Variants in TNRC18 observed in about 807,000 individuals in gnomAD.
TNRC18 encodes trinucleotide repeat containing 18, also known as trinucleotide repeat-containing gene 18 protein.
A neutral mutation model predicts 226.7 loss-of-function variants in TNRC18; 69 were observed. The observed-to-expected ratio is 0.30, with a 90% CI of 0.25 to 0.37. The LOEUF is 0.37. TNRC18 is among the 10% of genes least tolerant of loss of function. TNRC18 has a pLI of 1.00. For missense variants in TNRC18, 4,754 were observed against 4,256.6 expected, an observed-to-expected ratio of 1.12 and a Z score of -3.25; for synonymous variants, 2,449 against 1,927.6, an observed-to-expected ratio of 1.27 and a Z score of -7.09.
chr7:5,402,035 T>C (rs1045681194), intron 2 of TNRC18, among the ~76,000 whole-genome samples: 1 of 151,670 alleles, frequency 6.6e-6, no homozygotes, highest in South Asian at 2.1e-4. Context: ...AAAAATTAGC[T>C]GGGCGTGGTG....
Position 5,316,023 on chromosome 7 carries a change from G to T in TNRC18, c.6795C>A (p.Asp2265Glu), listed in dbSNP as rs1268324473. 6.2e-7 allele frequency: 1 copy of T among 1,605,284 alleles called. No individual in the cohort carries two copies. Among genetic ancestry groups the T allele is most frequent in the Non-Finnish European group, 8.5e-7 (1 of 1,176,006 alleles). ...GGGGGATCCTGCCCGTGTCTCCGTC[G>T]TCAAACTCCACGGTGATCAAGTCCC... ...DDGDLITVEFDDGDTGRIPLS... is the reference protein window; with the variant it reads ...DDGDLITVEFEDGDTGRIPLS... Residue 2265 changes from aspartate (D) to glutamate (E), a missense_variant, in exon 25 of 30, where the codon GAC becomes GAA. By Grantham distance (45) the Asp-to-Glu change is conservative (BLOSUM62 2). Transcript: ENST00000430969.
intron 2 of TNRC18, among the ~76,000 whole-genome samples, chr7:5,404,775 T>C (rs545726110): frequency 6.8e-6 from 1 of 146,184 alleles, no homozygotes; most frequent in African/African-American, 2.4e-5. Flanking sequence ...TGTGTGTGTG[T>C]GTGTGTGTGT....
Position 5,312,777 on chromosome 7 carries a change from T to C in TNRC18, c.8114A>G (p.Lys2705Arg). ...CGAGGGCCGCGCCTTGCCGGCCTGCTTGGTGGCCTTGGTGGGGAGCGCCGC... is the reference window on the plus strand; with the variant it reads ...CGAGGGCCGCGCCTTGCCGGCCTGCCTGGTGGCCTTGGTGGGGAGCGCCGC... ...AQAALPTKAT[K>R]QAGKARPSAH... is the part of the protein sequence containing the mutation. Residue 2705 changes from lysine to arginine, a missense_variant, in exon 27 of 30, where the codon AAG becomes AGG. Physicochemically the swap from Lys to Arg is conservative, Grantham distance 26 (BLOSUM62 2). Coordinates refer to ENST00000430969, the MANE Select transcript of TNRC18 (RefSeq NM_001080495.3). The surrounding 1 kb of genome is among the most constrained non-coding windows in gnomAD (Gnocchi z 6.3). 1 of 1,532,156 alleles carries C rather than the reference T, an allele frequency of 6.5e-7. No homozygotes were observed. The highest frequency in any genetic ancestry group is 8.7e-7 in the Non-Finnish European group (1 of 1,144,316). 94.9% of individuals were successfully genotyped at this position (1,532,156 alleles called of 1,614,324 possible). A position where few individuals can be genotyped will look rare whatever the true frequency, so the allele number is the denominator to read the frequency against.
chr7:5,310,870 G>T (rs1433882921), intron 27 of TNRC18, among the ~76,000 whole-genome samples: 1 of 152,248 alleles, frequency 6.6e-6, no homozygotes, highest in Admixed American at 6.5e-5. Context: ...CCATGTATAT[G>T]TGCCTGTGTG....
At chr7:5,325,656 C>T (rs1438076504) in intron 19 of TNRC18, 1 of 174,320 alleles carries the variant, frequency 5.7e-6, no homozygotes, top group Non-Finnish European at 1.2e-5. Flanking sequence ...GATCTCCTGA[C>T]CTTGTGATCT....
chr7:5,403,501 G>C (rs1477088821), intron 2 of TNRC18, among the ~76,000 whole-genome samples: 1 of 151,850 alleles, frequency 6.6e-6, no homozygotes, highest in Admixed American at 6.6e-5. Flanking sequence ...CACAACAACT[G>C]CATCCCAGAC....
chr7:5,364,509 A>G (rs1253233958), intron 11 of TNRC18, among the ~76,000 whole-genome samples: 1 of 133,064 alleles, frequency 7.5e-6, no homozygotes, highest in African/African-American at 2.8e-5. Context: ...ACACACACAC[A>G]CACACGATCT....
At chr7:5,316,516 T>C (rs1427472346) in intron 24 of TNRC18, among the ~76,000 whole-genome samples, 1 of 152,030 alleles carries the variant, frequency 6.6e-6, no homozygotes, top group Non-Finnish European at 1.5e-5. Context: ...CGACCTCAGG[T>C]GATCCGCCCA....
intron 9 of TNRC18, among the ~76,000 whole-genome samples, chr7:5,375,241 G>A (rs748787080): frequency 8.5e-5 from 13 of 152,128 alleles, no homozygotes; most frequent in Admixed American, 2.6e-4. Flanking sequence ...CCCAGGAGGC[G>A]GAGGTTGCAG....
Position 5,377,552 on chromosome 7 carries a change from C to T in TNRC18, c.2280G>A (p.Leu760=), listed in dbSNP as rs758517643. 2 of 1,585,712 alleles carry T rather than the reference C, an allele frequency of 1.3e-6. No homozygotes were observed. Among genetic ancestry groups the T allele is most frequent in the African/African-American group, 1.3e-5 (1 of 74,408 alleles). Residue 760 remains leucine (L), a synonymous_variant, in exon 7 of 30, where the codon CTG becomes CTA. Coordinates refer to ENST00000430969, the MANE Select transcript of TNRC18 (RefSeq NM_001080495.3). This position sits in a 1 kb window ranked among gnomAD's most constrained non-coding sequence, Gnocchi z 5.8. ...LLRESKELAD[L]ARLHPTSCAP... ...CACAGCTGGTAGGGTGCAGGCGGGC[C>T]AGGTCAGCCAGCTCCTTACTCTCTC...
chr7:5,377,363 A>T lies in TNRC18; in HGVS notation c.2461+8T>A. 1.0e-6 allele frequency: 1 copy of T among 1,001,342 alleles called. No individual in the cohort carries two copies. The highest frequency in any genetic ancestry group is 1.4e-6 in the Non-Finnish European group (1 of 718,056). The allele number at this position is 1,001,342 out of a possible 1,614,324, so 62.0% of individuals were successfully genotyped here. A position where few individuals can be genotyped will look rare whatever the true frequency, so the allele number is the denominator to read the frequency against. On this transcript the variant is annotated splice_region_variant and intron_variant, in intron 7 of 29. Coordinates refer to ENST00000430969, the MANE Select transcript of TNRC18 (RefSeq NM_001080495.3). The surrounding 1 kb of genome is among the most constrained non-coding windows in gnomAD (Gnocchi z 5.8). Reference sequence around the variant, plus strand: ...GAGAAGGGGAGAGACCCTGTGCCCCACACTCACCGTAGGGGTGTCCAGCGA... The same window carrying T: ...GAGAAGGGGAGAGACCCTGTGCCCCTCACTCACCGTAGGGGTGTCCAGCGA...
chr7:5,312,769 C>T lies in TNRC18; in HGVS notation c.8122G>A (p.Gly2708Ser), dbSNP rs771843412. 3.6e-5 allele frequency: 55 copies of T among 1,532,896 alleles called. No individual in the cohort carries two copies. Among genetic ancestry groups the T allele is most frequent in the South Asian group, 5.2e-5 (4 of 77,334 alleles). The allele number at this position is 1,532,896 out of a possible 1,614,324, so 95.0% of individuals were successfully genotyped here. A position where few individuals can be genotyped will look rare whatever the true frequency, so the allele number is the denominator to read the frequency against. ...GAGTGGGCCGAGGGCCGCGCCTTGCCGGCCTGCTTGGTGGCCTTGGTGGGG... is the reference window on the plus strand; with the variant it reads ...GAGTGGGCCGAGGGCCGCGCCTTGCTGGCCTGCTTGGTGGCCTTGGTGGGG... ...ALPTKATKQA[G>S]KARPSAHSPG... Residue 2708 changes from glycine to serine, a missense_variant, in exon 27 of 30, where the codon GGC (glycine) becomes AGC (serine). Transcript: ENST00000430969. The surrounding 1 kb of genome is among the most constrained non-coding windows in gnomAD (Gnocchi z 6.3).
chr7:5,323,952 C>A lies in TNRC18; in HGVS notation c.6442+262G>T, dbSNP rs143196813. On this transcript the variant is annotated intron_variant, in intron 21 of 29. Transcript: ENST00000430969. ...AGCTTCGCATTTTCCTTAGGGCCAA[C>A]ACGGAACTCCTTCCCAAGCCCCGCA... 3.6e-3 allele frequency among the ~76,000 whole-genome samples: 555 copies of A among 152,348 alleles called. 3 individuals carry two copies. Among genetic ancestry groups the A allele is most frequent in the African/African-American group, 0.012 (506 of 41,590 alleles).
intron 13 of TNRC18, 87 bp downstream of exon 13, chr7:5,361,810 C>T: frequency 1.3e-6 from 2 of 1,521,300 alleles, no homozygotes; most frequent in Non-Finnish European, 1.8e-6. Context: ...GGCGCCGGGT[C>T]CACGCACACC....
At chr7:5,315,658 G>A (rs1316271414) in intron 25 of TNRC18, among the ~76,000 whole-genome samples, 2 of 152,184 alleles carry the variant, frequency 1.3e-5, no homozygotes, top group African/African-American at 2.4e-5. Context: ...TCTTGACCTC[G>A]TGATCCGCCC....
At chr7:5,405,036 G>T (rs56375724) in intron 2 of TNRC18, among the ~76,000 whole-genome samples, 20,307 of 151,848 alleles carry the variant, frequency 0.13, 2,611 homozygotes, top group African/African-American at 0.33. Context: ...AGAACTGCTT[G>T]AACCTGGGAG....
intron 5 of TNRC18, among the ~76,000 whole-genome samples, chr7:5,383,218 G>A (rs960875963): frequency 6.6e-6 from 1 of 152,094 alleles, no homozygotes; most frequent in African/African-American, 2.4e-5. Context: ...GCCCCTTATC[G>A]TTCTTAGCTT....
rs1554265472 is a variant in TNRC18 at position 5,307,216 on chromosome 7, T to TTA, written c.*889_*890insTA. On this transcript the variant is annotated 3_prime_UTR_variant, in exon 30 of 30. Transcript: ENST00000430969. ...TTCTGCACGTCAGAATGTTTTTTTT[T>TTA]ATAATTTCATAGCTATTTTTCACAG... The TTA allele has an allele frequency of 1.3e-5, 2 of 149,818 alleles. No homozygotes were observed. The highest frequency in any genetic ancestry group is 4.9e-5 in the African/African-American group (2 of 40,968). 9.3% of individuals were successfully genotyped at this position (149,818 alleles called of 1,614,324 possible). A position where few individuals can be genotyped will look rare whatever the true frequency, so the allele number is the denominator to read the frequency against.
In TNRC18 at chr7:5,345,553, G is replaced by A; in HGVS notation, c.5719+9C>T. On this transcript the variant is annotated intron_variant, in intron 18 of 29. Transcript: ENST00000430969. ...CCACCCCCACCGCAGCCCACCTGCT[G>A]CCACTTACCCAGCAGGCTCTGCCGC... 1.8e-6 allele frequency: 1 copy of A among 543,004 alleles called. No homozygotes were observed. Among genetic ancestry groups the A allele is most frequent in the Non-Finnish European group, 2.3e-6 (1 of 436,692 alleles). The allele number at this position is 543,004 out of a possible 1,614,324, so 33.6% of individuals were successfully genotyped here.
Sources: gnomAD v4.1 joint callset for allele counts (sites outside exome capture counted in the v4.1 genomes callset) on GRCh38, gnomAD v4.1.1 for gene constraint, Gnocchi (gnomAD v3.1) non-coding constraint, MANE v1.5 for transcripts, NCBI Gene and HGNC (gene_info 2026-07-23, HGNC 2026-07-21) for gene names.